The following CADM2 variants were observed in gnomAD, a reference collection of about 807,000 sequenced individuals.
CADM2 encodes immunoglobulin superfamily member 4D.
CADM2 carries 12 observed loss-of-function variants against 49.8 expected under a neutral mutation model. The ratio of observed to expected loss-of-function variants is 0.24; its 90% CI spans 0.15 to 0.39. CADM2 has a LOEUF of 0.39. Among genes scored for constraint, CADM2 ranks in the 10% least tolerant of loss-of-function variants. The pLI is 1.00. For missense variants in CADM2, 378 were observed against 492.3 expected (o/e 0.77, Z 2.20); for synonymous variants, 214 against 175.4 (o/e 1.22, Z -1.74).
intron 8 of CADM2, among the ~76,000 whole-genome samples, chr3:86,005,859 A>AC (rs1412295096): frequency 1.3e-5 from 2 of 151,204 alleles, no homozygotes; most frequent in Admixed American, 6.6e-5. Context: ...CTCCCCCGCA[A>AC]CCCCCCGACA....
intron 2 of CADM2, among the ~76,000 whole-genome samples, chr3:85,745,147 A>C (rs1056860805): frequency 6.6e-6 from 1 of 152,170 alleles, no homozygotes; most frequent in Non-Finnish European, 1.5e-5. Flanking sequence ...CTGATTGTTA[A>C]AAGCCCAAGC....
At position 85,440,155 on chromosome 3, in the gene CADM2, G is replaced by T. The variant is rs548300289; in HGVS notation, c.62-286367G>T. On this transcript the variant is annotated intron_variant, in intron 1 of 9. Transcript: ENST00000383699. ...ATGAGTGGCTAAAGTAGAAAAAATAGCAGAAGTGCATACACTTGTGTCTAA... is the reference window on the plus strand; with the variant it reads ...ATGAGTGGCTAAAGTAGAAAAAATATCAGAAGTGCATACACTTGTGTCTAA... Among the ~76,000 whole-genome samples the T allele has an allele frequency of 3.3e-5, 5 of 152,276 alleles. No homozygotes were observed. The East Asian group carries it at 7.7e-4, about 24-fold the overall frequency.
intron 1 of CADM2, among the ~76,000 whole-genome samples, chr3:85,680,311 G>C (rs2066003970): frequency 6.6e-6 from 1 of 152,050 alleles, no homozygotes; most frequent in African/African-American, 2.4e-5. Flanking sequence ...GTCTGAATCG[G>C]TGGAATTTTG....
intron 7 of CADM2, among the ~76,000 whole-genome samples, chr3:85,937,192 A>G (rs1053414356): frequency 6.6e-6 from 1 of 151,892 alleles, no homozygotes; most frequent in Admixed American, 6.6e-5. Flanking sequence ...CATCTAAGAT[A>G]TGGTTGAATG....
intron 2 of CADM2, among the ~76,000 whole-genome samples, chr3:85,795,384 C>T: frequency 6.6e-6 from 1 of 152,102 alleles, no homozygotes; most frequent in Non-Finnish European, 1.5e-5. Flanking sequence ...TTGGAAACCA[C>T]ATATCCCAAG....
intron 1 of CADM2, among the ~76,000 whole-genome samples, chr3:85,417,274 C>G (rs72907209): frequency 6.6e-6 from 1 of 151,992 alleles, no homozygotes; most frequent in Non-Finnish European, 1.5e-5. Flanking sequence ...CTACAAAATC[C>G]TGTTTGGAAA....
intron 1 of CADM2, among the ~76,000 whole-genome samples, chr3:85,232,134 A>ATATTATTATTATTATTAT (rs10575918): frequency 6.8e-6 from 1 of 146,354 alleles, no homozygotes; most frequent in African/African-American, 2.5e-5. Flanking sequence ...CGATTTGAAG[A>ATATTATTATTATTATTAT]TATTATTATT....
intron 1 of CADM2, among the ~76,000 whole-genome samples, chr3:85,645,601 G>A (rs1343462298): frequency 2.6e-5 from 4 of 151,782 alleles, no homozygotes; most frequent in Admixed American, 1.3e-4. Context: ...AGAGATTAAA[G>A]CTCTGTAAAA....
At chr3:85,493,259 A>G (rs1048755060) in intron 1 of CADM2, among the ~76,000 whole-genome samples, 5 of 152,162 alleles carry the variant, frequency 3.3e-5, no homozygotes, top group Non-Finnish European at 7.4e-5. Context: ...TCCAACTAAA[A>G]TTGAGAGTGC....
intron 1 of CADM2, among the ~76,000 whole-genome samples, chr3:85,630,225 T>C (rs764081289): frequency 2.6e-5 from 4 of 152,068 alleles, no homozygotes; most frequent in Non-Finnish European, 5.9e-5. Context: ...GTTTGATCTT[T>C]TTTTATCTCA....
At chr3:85,219,279 T>G (rs1576147584) in intron 1 of CADM2, among the ~76,000 whole-genome samples, 1 of 152,224 alleles carries the variant, frequency 6.6e-6, no homozygotes, top group African/African-American at 2.4e-5. Context: ...GATTTGATTT[T>G]TTATTTTTAG....
intron 1 of CADM2, among the ~76,000 whole-genome samples, chr3:85,268,495 A>G (rs1219173212): frequency 6.6e-6 from 1 of 151,450 alleles, no homozygotes; most frequent in Admixed American, 6.6e-5. Context: ...TCCACAAATT[A>G]GTATTTGACA....
chr3:85,199,362 T>A (rs2041426274), intron 1 of CADM2, among the ~76,000 whole-genome samples: 1 of 121,510 alleles, frequency 8.2e-6, no homozygotes, highest in African/African-American at 4.7e-5. Flanking sequence ...TGTGTGTGTG[T>A]GTGTGTATGA....
rs548372355 is a variant in CADM2, at chr3:85,527,572, A to G, written c.62-198950A>G. ...TTAAGATATTGTTTTTGACAATGACATCTCAAAAGACTCTTAGTTGTAACC... is the reference window on the plus strand; with the variant it reads ...TTAAGATATTGTTTTTGACAATGACGTCTCAAAAGACTCTTAGTTGTAACC... On this transcript the variant is annotated intron_variant, in intron 1 of 9. Coordinates refer to ENST00000383699, the MANE Select transcript of CADM2 (RefSeq NM_001167675.2). 6.4e-5 allele frequency among the ~76,000 whole-genome samples: 9 copies of G among 141,018 alleles called. No homozygotes were observed. In the South Asian group the frequency reaches 1.1e-3, roughly 18 times the overall value. 92.5% of individuals were successfully genotyped at this position (141,018 alleles called of 152,430 possible).
At chr3:85,837,767 C>T (rs887591594) in intron 3 of CADM2, among the ~76,000 whole-genome samples, 4 of 151,590 alleles carry the variant, frequency 2.6e-5, no homozygotes, top group Non-Finnish European at 5.9e-5. Flanking sequence ...ATATTTTTAC[C>T]ATAACACATA....
intron 1 of CADM2, among the ~76,000 whole-genome samples, chr3:84,996,710 A>G (rs2033197125): frequency 6.6e-6 from 1 of 152,100 alleles, no homozygotes; most frequent in Admixed American, 6.6e-5. Flanking sequence ...GTAACTTTAG[A>G]ATATAGTCTA....
At chr3:84,982,511 A>G (rs11127870) in intron 1 of CADM2, among the ~76,000 whole-genome samples, 7,459 of 151,514 alleles carry the variant, frequency 0.049, 216 homozygotes, top group East Asian at 0.098. Flanking sequence ...TAATATTCAT[A>G]CACAATTTTC....
At chr3:85,602,574 T>C (rs568381187) in intron 1 of CADM2, among the ~76,000 whole-genome samples, 1 of 151,880 alleles carries the variant, frequency 6.6e-6, no homozygotes, top group East Asian at 1.9e-4. Context: ...AAAAAGGCCC[T>C]AGGTCTCTCT....
At chr3:85,735,715 A>G (rs1220404376) in intron 2 of CADM2, among the ~76,000 whole-genome samples, 1 of 152,110 alleles carries the variant, frequency 6.6e-6, no homozygotes, top group Admixed American at 6.6e-5. Flanking sequence ...AGGACATGAT[A>G]TAGAGAATGG....
Sources: allele counts gnomAD v4.1 joint callset (sites outside exome capture counted in the v4.1 genomes callset), GRCh38; gene constraint gnomAD v4.1.1; transcripts MANE v1.5; gene names NCBI Gene and HGNC (gene_info 2026-07-23, HGNC 2026-07-21).